OR13A1: variants seen among roughly 807,000 people sequenced by gnomAD.
OR13A1 encodes olfactory receptor 13A1.
OR13A1 carries 10 observed loss-of-function variants against 7.5 expected under a neutral mutation model. That is an observed-to-expected ratio of 1.34 (90% CI 0.83 to 2.27). OR13A1 has a LOEUF of 2.27. OR13A1 is among the 30% of genes most tolerant of loss of function. OR13A1 has a pLI of 0.00. For missense variants in OR13A1, 509 were observed against 419.1 expected, an observed-to-expected ratio of 1.21 and a Z score of -1.87; for synonymous variants, 238 against 177.9, an observed-to-expected ratio of 1.34 and a Z score of -2.69.
intron 1 of OR13A1, chr10:45,308,945 G>C (rs1008093029): frequency 9.9e-5 from 15 of 152,200 alleles, no homozygotes; most frequent in Admixed American, 5.2e-4. Flanking sequence ...CTGCCTGTGG[G>C]AGACACTAGG....
At chr10:45,314,048 A>G (rs1176244069) in intron 1 of OR13A1, among the ~76,000 whole-genome samples, 1 of 152,220 alleles carries the variant, frequency 6.6e-6, no homozygotes, top group Non-Finnish European at 1.5e-5. Context: ...GATTGAAATT[A>G]TACAAAATAT....
At chr10:45,313,587 G>C (rs1838478623) in intron 1 of OR13A1, among the ~76,000 whole-genome samples, 1 of 151,884 alleles carries the variant, frequency 6.6e-6, no homozygotes, top group South Asian at 2.1e-4. Context: ...TAAATGCCAT[G>C]CAAATGGTAA....
rs925180916 is a variant in OR13A1 at position 45,315,573 on chromosome 10, A to T, written c.-274T>A. 2 of 152,202 alleles carry T rather than the reference A, an allele frequency of 1.3e-5. No homozygotes were observed. The highest frequency in any genetic ancestry group is 2.9e-5 in the Non-Finnish European group (2 of 68,038). The allele number at this position is 152,202 out of a possible 1,614,324, so 9.4% of individuals were successfully genotyped here. Reference sequence around the variant, plus strand: ...TTTCTTCTGGATTAGGAACAAGACAAGTATACTCTGTCTCTTCGCTTCTAT... The same window carrying T: ...TTTCTTCTGGATTAGGAACAAGACATGTATACTCTGTCTCTTCGCTTCTAT... On this transcript the variant is annotated 5_prime_UTR_variant, in exon 1 of 4. The change creates a new upstream start codon in the 5' untranslated region. Coordinates refer to ENST00000553795, the MANE Select transcript of OR13A1 (RefSeq NM_001004297.3).
chr10:45,306,535 G>A (rs982076151), intron 3 of OR13A1, among the ~76,000 whole-genome samples: 3 of 151,928 alleles, frequency 2.0e-5, no homozygotes, highest in African/African-American at 4.8e-5. Flanking sequence ...TGAACATTTG[G>A]AAGATGTCCA....
At chr10:45,312,488 C>T (rs2133047567) in intron 1 of OR13A1, among the ~76,000 whole-genome samples, 1 of 151,692 alleles carries the variant, frequency 6.6e-6, no homozygotes, top group Non-Finnish European at 1.5e-5. Context: ...GAATTTTACA[C>T]TCACTAAAAA....
chr10:45,303,583 C>A lies in OR13A1; in HGVS notation c.840G>T (p.Pro280=). 1.9e-6 allele frequency: 3 copies of A among 1,614,100 alleles called. No individual in the cohort carries two copies. Among genetic ancestry groups the A allele is most frequent in the South Asian group, 2.2e-5 (2 of 91,088 alleles). ...YTAVFYAYIS[P]VSGYSAGKSK... ...TCTTCCCTGCGCTGTAGCCAGAGAC[C>A]GGGCTTATGTAGGCGTAGAAGACAG... is the stretch of plus-strand genomic sequence containing the variant. The change falls in exon 4 of 4, where the codon CCG becomes CCT. Residue 280 remains proline (P), a synonymous_variant. Transcript: ENST00000553795.
intron 1 of OR13A1, among the ~76,000 whole-genome samples, chr10:45,309,980 A>T (rs1838409976): frequency 6.6e-6 from 1 of 152,220 alleles, no homozygotes; most frequent in Non-Finnish European, 1.5e-5. Context: ...TGCGGGGACT[A>T]AATAAGATGA....
rs115815425 is a variant in OR13A1, at chr10:45,303,749, C to T, written c.674G>A (p.Gly225Asp). Residue 225 changes from glycine to aspartate, a missense_variant, in exon 4 of 4, where the codon GGC (glycine) becomes GAC (aspartate). Physicochemically the swap from Gly to Asp is moderately conservative, Grantham distance 94. Coordinates refer to ENST00000553795, the MANE Select transcript of OR13A1 (RefSeq NM_001004297.3). The stretch of plus-strand genomic sequence containing the variant: ...GATGGTCATCAGGAAGTTCACTATG[C>T]CGTAGAAAGCATCCGCCAGGACAAT... ...VMIVLADAFY[G>D]IVNFLMTIAS... 2.7e-4 allele frequency: 431 copies of T among 1,614,144 alleles called. 2 individuals are homozygous for T. In the East Asian group the frequency reaches 9.1e-3, roughly 34 times the overall value.
intron 3 of OR13A1, among the ~76,000 whole-genome samples, chr10:45,305,753 G>A (rs759869056): frequency 3.9e-5 from 6 of 152,198 alleles, no homozygotes; most frequent in Non-Finnish European, 8.8e-5. Flanking sequence ...CCCTGAGCCA[G>A]GAATGCCCTT....
chr10:45,303,177 C>A lies in OR13A1; in HGVS notation c.*259G>T. ...AAGGAACACTTTTCTCCTCCTAGGCCCTGTGTTTCTCTGCCAACTCAGCAC... is the reference window on the plus strand; with the variant it reads ...AAGGAACACTTTTCTCCTCCTAGGCACTGTGTTTCTCTGCCAACTCAGCAC... On this transcript the variant is annotated 3_prime_UTR_variant, in exon 4 of 4. Coordinates refer to ENST00000553795, the MANE Select transcript of OR13A1 (RefSeq NM_001004297.3). 1 of 458,424 alleles carries A rather than the reference C, an allele frequency of 2.2e-6. No homozygotes were observed. The allele number at this position is 458,424 out of a possible 1,614,324, so 28.4% of individuals were successfully genotyped here.
chr10:45,309,297 T>C (rs1171162646), intron 1 of OR13A1, among the ~76,000 whole-genome samples: 1 of 152,128 alleles, frequency 6.6e-6, no homozygotes, highest in Non-Finnish European at 1.5e-5. Context: ...TCCATGCTTC[T>C]CTGTATAAAC....
chr10:45,311,255 G>T (rs573942334), intron 1 of OR13A1, among the ~76,000 whole-genome samples: 1 of 152,060 alleles, frequency 6.6e-6, no homozygotes, highest in African/African-American at 2.4e-5. Context: ...CAAGACATTC[G>T]CCTTCAACTT....
At chr10:45,314,251 G>A (rs1293484968) in intron 1 of OR13A1, among the ~76,000 whole-genome samples, 1 of 152,086 alleles carries the variant, frequency 6.6e-6, no homozygotes, top group Non-Finnish European at 1.5e-5. Context: ...GTAAGATGCA[G>A]CAGAAGCAGT....
chr10:45,313,013 A>G (rs1476608666), intron 1 of OR13A1, among the ~76,000 whole-genome samples: 1 of 152,116 alleles, frequency 6.6e-6, no homozygotes, highest in Non-Finnish European at 1.5e-5. Flanking sequence ...TAGAGACTGT[A>G]CTATGCAGTT....
intron 3 of OR13A1, 104 bp from the exon 4 acceptor site, chr10:45,304,538 T>C: frequency 2.1e-6 from 2 of 940,288 alleles, no homozygotes; most frequent in Non-Finnish European, 3.2e-6. Context: ...GCATATTGAT[T>C]AAGATAAACA....
chr10:45,309,557 T>A (rs1838402710), intron 1 of OR13A1, among the ~76,000 whole-genome samples: 1 of 152,110 alleles, frequency 6.6e-6, no homozygotes, highest in East Asian at 1.9e-4. Flanking sequence ...TGGGGTAAAA[T>A]CTCTGAAAGT....
chr10:45,303,261 C>T lies in OR13A1; in HGVS notation c.*175G>A. 1 of 677,058 alleles carries T rather than the reference C, an allele frequency of 1.5e-6. No individual in the cohort carries two copies. The allele number at this position is 677,058 out of a possible 1,614,324, so 41.9% of individuals were successfully genotyped here. A position where few individuals can be genotyped will look rare whatever the true frequency, so the allele number is the denominator to read the frequency against. ...GTGTCTCAGAGGCTGGTGGGTCACA[C>T]CTACCGCAATCCCCCCATCACCAAG... On this transcript the variant is annotated 3_prime_UTR_variant, in exon 4 of 4. Coordinates refer to ENST00000553795, the MANE Select transcript of OR13A1 (RefSeq NM_001004297.3).
rs1838508044 is a variant in OR13A1 at position 45,315,565 on chromosome 10, A to G, written c.-266T>C. On this transcript the variant is annotated 5_prime_UTR_variant, in exon 1 of 4. Transcript: ENST00000553795. The stretch of plus-strand genomic sequence containing the variant: ...TTCAAACTTTTCTTCTGGATTAGGA[A>G]CAAGACAAGTATACTCTGTCTCTTC... 1 of 152,212 alleles carries G rather than the reference A, an allele frequency of 6.6e-6. No individual in the cohort carries two copies. The highest frequency in any genetic ancestry group is 6.5e-5 in the Admixed American group (1 of 15,270). 9.4% of individuals were successfully genotyped at this position (152,212 alleles called of 1,614,324 possible).
chr10:45,307,014 C>G (rs921705468), intron 3 of OR13A1, among the ~76,000 whole-genome samples: 1 of 152,178 alleles, frequency 6.6e-6, no homozygotes, highest in South Asian at 2.1e-4. Flanking sequence ...ATTGGATTTT[C>G]TCCATCAATG....
Sources: allele counts gnomAD v4.1 joint callset (sites outside exome capture counted in the v4.1 genomes callset), GRCh38; gene constraint gnomAD v4.1.1; transcripts MANE v1.5; gene names NCBI Gene and HGNC (gene_info 2026-07-23, HGNC 2026-07-21).